The following TMEM132C variants were observed in gnomAD, a reference collection of about 807,000 sequenced individuals.
TMEM132C encodes the protein protein phosphatase 1, regulatory subunit 152.
Under a neutral mutation model 61.4 loss-of-function variants are expected in TMEM132C, and 29 were observed. The ratio of observed to expected loss-of-function variants is 0.47; its 90% CI spans 0.35 to 0.64. TMEM132C has a LOEUF of 0.64. TMEM132C is among the 30% of genes least tolerant of loss of function. The pLI, the probability that TMEM132C is intolerant of heterozygous loss-of-function variation, is 0.00. For missense variants in TMEM132C, 1,408 were observed against 1,476.9 expected (o/e 0.95, Z 0.76); for synonymous variants, 656 against 633.1 (o/e 1.04, Z -0.54).
intron 4 of TMEM132C, among the ~76,000 whole-genome samples, chr12:128,646,302 C>T (rs749989675): frequency 6.6e-6 from 1 of 151,596 alleles, no homozygotes; most frequent in East Asian, 2.0e-4. Context: ...TCACTGGAGT[C>T]CATCAGCGTT....
intron 1 of TMEM132C, among the ~76,000 whole-genome samples, chr12:128,286,305 C>T (rs1871071300): frequency 6.6e-6 from 1 of 152,152 alleles, no homozygotes; most frequent in Non-Finnish European, 1.5e-5. Context: ...GGAATGTGCC[C>T]ACTCCTGGAT....
intron 2 of TMEM132C, among the ~76,000 whole-genome samples, chr12:128,466,322 A>G (rs966976513): frequency 4.6e-5 from 7 of 152,192 alleles, no homozygotes; most frequent in African/African-American, 1.7e-4. Context: ...TACTGTAGCC[A>G]TTGGCTCAGT....
intron 7 of TMEM132C, among the ~76,000 whole-genome samples, chr12:128,696,493 C>G (rs1954766003): frequency 6.6e-6 from 1 of 152,180 alleles, no homozygotes; most frequent in Non-Finnish European, 1.5e-5. Context: ...AGCATGGATT[C>G]TTCTCATTTC....
intron 2 of TMEM132C, among the ~76,000 whole-genome samples, chr12:128,440,805 T>C (rs977488888): frequency 2.0e-5 from 3 of 152,016 alleles, no homozygotes; most frequent in African/African-American, 7.2e-5. Flanking sequence ...TCCCAGCACT[T>C]TGGGAGGCTG....
intron 1 of TMEM132C, among the ~76,000 whole-genome samples, chr12:128,340,759 C>G (rs1317593814): frequency 7.0e-6 from 1 of 143,384 alleles, no homozygotes; most frequent in African/African-American, 2.6e-5. Flanking sequence ...CTTTTTCTTT[C>G]TTTCTTTCTA....
intron 1 of TMEM132C, among the ~76,000 whole-genome samples, chr12:128,354,035 A>G (rs569206076): frequency 4.6e-5 from 7 of 152,314 alleles, no homozygotes; most frequent in Admixed American, 2.0e-4. Context: ...GTCGATGAAG[A>G]AGAGAAGCAG....
In TMEM132C at chr12:128,706,017, T is replaced by A. The variant is rs1374093891; in HGVS notation, c.3049T>A (p.Ser1017Thr). Residue 1017 changes from serine (S) to threonine (T), a missense_variant, in exon 9 of 9, where the codon TCC (serine) becomes ACC (threonine). Ser to Thr is a moderately conservative substitution (Grantham distance 58, BLOSUM62 1). Coordinates refer to ENST00000435159, the MANE Select transcript of TMEM132C (RefSeq NM_001136103.3). ...ESNHLLLNGGSHKHVQSQIHR... is the reference protein window; with the variant it reads ...ESNHLLLNGGTHKHVQSQIHR... ...CAACCATCTCCTGCTCAATGGTGGC[T>A]CCCACAAGCACGTGCAGAGCCAGAT... The A allele has an allele frequency of 1.9e-6, 3 of 1,551,462 alleles. No homozygotes were observed. The highest frequency in any genetic ancestry group is 2.7e-5 in the African/African-American group (2 of 72,978).
Position 128,570,991 on chromosome 12 carries a change from T to C in TMEM132C, c.1121+26888T>C, listed in dbSNP as rs547011112. Among the ~76,000 whole-genome samples, 50 of 152,244 alleles carry C rather than the reference T, an allele frequency of 3.3e-4. 1 individual carries two copies. In the South Asian group the frequency reaches 4.6e-3, roughly 14 times the overall value. On this transcript the variant is annotated intron_variant, in intron 3 of 8. Transcript: ENST00000435159. This position sits in a 1 kb window ranked among gnomAD's most constrained non-coding sequence, Gnocchi z 4.7. ...TTGTTAGCAAGAAAGAAGAAAAGGA[T>C]GGATGTCAGGGAAGCAACCAACAGT...
At chr12:128,444,747 C>A (rs776971476) in intron 2 of TMEM132C, among the ~76,000 whole-genome samples, 2 of 152,196 alleles carry the variant, frequency 1.3e-5, no homozygotes, top group African/African-American at 2.4e-5. Flanking sequence ...GCAAGTCTTG[C>A]GTGGCCCCAC....
chr12:128,543,982 A>G lies in TMEM132C; in HGVS notation c.1000A>G (p.Ile334Val). The change falls in exon 3 of 9, where the codon ATC (isoleucine) becomes GTC (valine). Residue 334 changes from isoleucine (I) to valine (V), a missense_variant. Transcript: ENST00000435159. ...AGCCAAGGTGAAGAAGGGGGTGAAC[A>G]TCCTGAGTGCTCAGACCCGTGAGCC... is the stretch of plus-strand genomic sequence containing the variant. ...LRAKVKKGVNILSAQTREPRQ... is the reference protein window; with the variant it reads ...LRAKVKKGVNVLSAQTREPRQ... The G allele has an allele frequency of 6.5e-7, 1 of 1,547,854 alleles. No individual in the cohort carries two copies. The highest frequency in any genetic ancestry group is 8.7e-7 in the Non-Finnish European group (1 of 1,145,410).
In TMEM132C at chr12:128,699,502, C is replaced by T. The variant is rs527254853; in HGVS notation, c.2121+2087C>T. Among the ~76,000 whole-genome samples the T allele has an allele frequency of 2.6e-5, 4 of 152,300 alleles. No homozygotes were observed. The East Asian group carries it at 5.8e-4, about 22-fold the overall frequency. On this transcript the variant is annotated intron_variant, in intron 8 of 8. Transcript: ENST00000435159. ...GGAATCCTCTCTTAGTTCCACAAGT[C>T]CACCTGCATTCCTTCTCAGTCCCCA...
chr12:128,268,965 G>C (rs1359942321), intron 1 of TMEM132C, among the ~76,000 whole-genome samples: 1 of 102,660 alleles, frequency 9.7e-6, no homozygotes, highest in African/African-American at 3.9e-5. Context: ...AGAGACGAGG[G>C]AAAGGGGGGG....
At position 128,267,325 on chromosome 12, in the gene TMEM132C, TGGGGCGGCCGGCG is replaced by T; in HGVS notation, c.-72_-60del. The T allele has an allele frequency of 3.3e-6, 3 of 903,010 alleles. No homozygotes were observed. The highest frequency in any genetic ancestry group is 4.0e-6 in the Non-Finnish European group (3 of 758,326). The allele number at this position is 903,010 out of a possible 1,614,324, so 55.9% of individuals were successfully genotyped here. On this transcript the variant is annotated 5_prime_UTR_variant, in exon 1 of 9. An upstream open reading frame in the 5' UTR loses its in-frame stop. Coordinates refer to ENST00000435159, the MANE Select transcript of TMEM132C (RefSeq NM_001136103.3). ...CGGGCTGCGGGAGTGGCCCCGGGCA[TGGGGCGGCCGGCG>T]GGGGCCGCGGGCGGGCGCTGCGCTT...
intron 2 of TMEM132C, among the ~76,000 whole-genome samples, chr12:128,438,446 GA>G (rs1869387753): frequency 6.6e-6 from 1 of 152,080 alleles, no homozygotes; most frequent in Non-Finnish European, 1.5e-5. Context: ...CACATGCGTG[GA>G]AGCAGCCTGA....
chr12:128,374,203 T>G (rs1343826227), intron 1 of TMEM132C, among the ~76,000 whole-genome samples: 3 of 152,174 alleles, frequency 2.0e-5, no homozygotes, highest in Non-Finnish European at 4.4e-5. Context: ...TCCGGGAGAC[T>G]ATTGCATAGT....
In TMEM132C at chr12:128,555,712, CTT is replaced by C. The variant is rs1366121376; in HGVS notation, c.1121+11624_1121+11625del. 1.3e-3 allele frequency among the ~76,000 whole-genome samples: 180 copies of C among 140,532 alleles called. 1 individual carries two copies. Among genetic ancestry groups the C allele is most frequent in the African/African-American group, 4.1e-3 (158 of 38,230 alleles). The allele number at this position is 140,532 out of a possible 152,430, so 92.2% of individuals were successfully genotyped here. On this transcript the variant is annotated intron_variant, in intron 3 of 8. Coordinates refer to ENST00000435159, the MANE Select transcript of TMEM132C (RefSeq NM_001136103.3). ...CATTGAGGTTATTGTTGTTGCCTAA[CTT>C]TTTTTTTTTTTTTTCTTTGATACAA...
Position 128,414,716 on chromosome 12 carries a change from C to G in TMEM132C, c.86-16C>G, listed in dbSNP as rs1446422884. 12 of 1,495,654 alleles carry G rather than the reference C, an allele frequency of 8.0e-6. No individual in the cohort carries two copies. The highest frequency in any genetic ancestry group is 1.1e-5 in the Non-Finnish European group (12 of 1,126,146). The allele number at this position is 1,495,654 out of a possible 1,614,324, so 92.6% of individuals were successfully genotyped here. On this transcript the variant is annotated splice_polypyrimidine_tract_variant and intron_variant, in intron 1 of 8. Coordinates refer to ENST00000435159, the MANE Select transcript of TMEM132C (RefSeq NM_001136103.3). ...CTGTCTTTGTCTTTTTCTTTTCTTT[C>G]TTTTTCCCTTTTTAGTGATAGAGGG... is the stretch of plus-strand genomic sequence containing the variant.
rs1191861372 is a variant in TMEM132C, at chr12:128,539,196, C to T, written c.975-4761C>T. Among the ~76,000 whole-genome samples, 6 of 152,342 alleles carry T rather than the reference C, an allele frequency of 3.9e-5. No homozygotes were observed. The South Asian group carries it at 6.2e-4, about 16-fold the overall frequency. On this transcript the variant is annotated intron_variant, in intron 2 of 8. Coordinates refer to ENST00000435159, the MANE Select transcript of TMEM132C (RefSeq NM_001136103.3). ...CACCATCAACCTGGGATTCTTTCCA[C>T]GTCACTTGTATTTGGGATCTGTTTC...
intron 4 of TMEM132C, among the ~76,000 whole-genome samples, chr12:128,624,595 G>T (rs976458418): frequency 6.5e-4 from 98 of 151,220 alleles, no homozygotes; most frequent in Non-Finnish European, 1.2e-3. Context: ...CAACTCATGG[G>T]CCTGTTTCGA....
Sources: allele counts gnomAD v4.1 joint callset (sites outside exome capture counted in the v4.1 genomes callset), GRCh38; gene constraint gnomAD v4.1.1; non-coding constraint Gnocchi (gnomAD v3.1); transcripts MANE v1.5; gene names NCBI Gene and HGNC (gene_info 2026-07-23, HGNC 2026-07-21).